MYO16: variants seen among roughly 807,000 people sequenced by gnomAD.
MYO16 encodes unconventional myosin-XVI.
MYO16 carries 94 observed loss-of-function variants against 205.3 expected under a neutral mutation model. The ratio of observed to expected loss-of-function variants is 0.46; its 90% CI spans 0.39 to 0.54. The LOEUF is 0.54. Ranked by LOEUF, MYO16 falls within the 20% of genes least tolerant of loss-of-function variation. The probability of loss-of-function intolerance (pLI) is 0.00; values close to 1 mark genes in which losing one functional copy is unlikely to be tolerated. For missense variants in MYO16, 2,315 were observed against 2,387.5 expected (o/e 0.97, Z 0.63); for synonymous variants, 988 against 954.0 (o/e 1.04, Z -0.66).
rs779875884 is a variant in MYO16, at chr13:108,808,592, C to T, written c.867+1788C>T. 1.1e-4 allele frequency among the ~76,000 whole-genome samples: 16 copies of T among 152,104 alleles called. No homozygotes were observed. In the South Asian group the frequency reaches 2.3e-3, roughly 22 times the overall value. ...CCTCCCAAAGTGCTGGGTTTACAGG[C>T]GTGAGCCACCATGCCCTGCCAGAAA... On this transcript the variant is annotated intron_variant, in intron 7 of 34. Transcript: ENST00000457511.
intron 24 of MYO16, chr13:109,048,756 T>A (rs1424083206): frequency 6.4e-6 from 1 of 155,434 alleles, no homozygotes; most frequent in African/African-American, 2.4e-5. Context: ...GCTTATAGTA[T>A]CTAATTCAAT....
At chr13:108,848,182 A>G (rs1444831082) in intron 10 of MYO16, among the ~76,000 whole-genome samples, 1 of 152,070 alleles carries the variant, frequency 6.6e-6, no homozygotes, top group Admixed American at 6.5e-5. Flanking sequence ...ATATAGACTG[A>G]CTGTATGTGA....
At chr13:108,679,109 TG>T (rs1882350695) in intron 2 of MYO16, among the ~76,000 whole-genome samples, 1 of 152,158 alleles carries the variant, frequency 6.6e-6, no homozygotes, top group African/African-American at 2.4e-5. Flanking sequence ...CATTGGGAAT[TG>T]GGCTTCAACA....
At chr13:108,763,313 A>C (rs956384999) in intron 4 of MYO16, among the ~76,000 whole-genome samples, 1 of 152,214 alleles carries the variant, frequency 6.6e-6, no homozygotes, top group African/African-American at 2.4e-5. Context: ...CTTAGCTTTC[A>C]GTGAGTTCTG....
Position 108,894,056 on chromosome 13 carries a change from T to C in MYO16, c.1660-3960T>C, listed in dbSNP as rs925294317. Among the ~76,000 whole-genome samples the C allele has an allele frequency of 9.9e-5, 15 of 152,252 alleles. No individual in the cohort carries two copies. The South Asian group carries it at 1.5e-3, about 15-fold the overall frequency. The stretch of plus-strand genomic sequence containing the variant: ...GGAAGCCTCAGGAAATTTACAGTCA[T>C]GGCAGGAGGTGAAGAAGAAAGAAGC... On this transcript the variant is annotated intron_variant, in intron 14 of 34. Coordinates refer to ENST00000457511, the MANE Select transcript of MYO16 (RefSeq NM_001198950.3).
At position 109,164,885 on chromosome 13, in the gene MYO16, C is replaced by T; in HGVS notation, c.5165-16C>T. The stretch of plus-strand genomic sequence containing the variant: ...TGTTATCAGAAAATAATTATGTTTT[C>T]TAAAATTTATTTTAGGTTTTGAAAC... On this transcript the variant is annotated splice_polypyrimidine_tract_variant and intron_variant, in intron 32 of 34. Transcript: ENST00000457511. The T allele has an allele frequency of 6.6e-7, 1 of 1,509,002 alleles. No individual in the cohort carries two copies. The highest frequency in any genetic ancestry group is 9.0e-7 in the Non-Finnish European group (1 of 1,115,246). The allele number at this position is 1,509,002 out of a possible 1,614,324, so 93.5% of individuals were successfully genotyped here.
intron 33 of MYO16, chr13:109,166,528 T>A (rs1878675766): frequency 6.6e-6 from 1 of 152,190 alleles, no homozygotes; most frequent in Non-Finnish European, 1.5e-5. Flanking sequence ...AGGGAGCGCA[T>A]GAGCAGAAGA....
intron 4 of MYO16, among the ~76,000 whole-genome samples, chr13:108,730,085 G>A (rs1159820011): frequency 2.6e-5 from 4 of 152,142 alleles, no homozygotes. Flanking sequence ...ATCACAGGTA[G>A]CATATGATAA....
At position 108,674,935 on chromosome 13, in the gene MYO16, G is replaced by A. The variant is rs117176835; in HGVS notation, c.292+8786G>A. On this transcript the variant is annotated intron_variant, in intron 2 of 34. Transcript: ENST00000457511. ...AAAAACACATTGACAACATGGTGCT[G>A]TCTGCATCTTCCCTGTTCCAGAGTG... 3.7e-3 allele frequency among the ~76,000 whole-genome samples: 558 copies of A among 152,330 alleles called. 4 individuals are homozygous for A. Among genetic ancestry groups the A allele is most frequent in the African/African-American group, 0.011 (476 of 41,580 alleles).
intron 1 of MYO16, among the ~76,000 whole-genome samples, chr13:108,609,390 T>A (rs1440353639): frequency 6.6e-6 from 1 of 152,166 alleles, no homozygotes; most frequent in Non-Finnish European, 1.5e-5. Flanking sequence ...CTCTAGACTG[T>A]GAATCCCATG....
the MYO16 span, among the ~76,000 whole-genome samples, chr13:108,503,032 T>C: frequency 2.0e-5 from 3 of 152,228 alleles, no homozygotes; most frequent in Non-Finnish European, 4.4e-5. Flanking sequence ...ACAAGTTTTC[T>C]GGAGTGAAGC....
At chr13:108,949,531 A>T (rs1883061334) in intron 16 of MYO16, among the ~76,000 whole-genome samples, 1 of 152,194 alleles carries the variant, frequency 6.6e-6, no homozygotes. Flanking sequence ...AAAAATACCA[A>T]TGAAAGAAAA....
intron 24 of MYO16, 146 bp downstream of exon 24, chr13:109,047,137 G>GA: frequency 4.8e-6 from 3 of 619,756 alleles, no homozygotes; most frequent in South Asian, 2.1e-5. Context: ...AGACTAATGA[G>GA]AAATGGGTCT....
At chr13:108,538,005 C>A in the MYO16 span, among the ~76,000 whole-genome samples, 1 of 152,072 alleles carries the variant, frequency 6.6e-6, no homozygotes, top group Non-Finnish European at 1.5e-5. Context: ...TGTGCAGAAG[C>A]ACTTTAGTTT....
At chr13:108,772,044 G>T (rs545458893) in intron 4 of MYO16, among the ~76,000 whole-genome samples, 1 of 152,294 alleles carries the variant, frequency 6.6e-6, no homozygotes, top group South Asian at 2.1e-4. Context: ...TGTAGTAAGA[G>T]TAGGTTTACT....
intron 2 of MYO16, among the ~76,000 whole-genome samples, chr13:108,671,108 G>C (rs2139445158): frequency 6.6e-6 from 1 of 152,316 alleles, no homozygotes; most frequent in East Asian, 1.9e-4. Flanking sequence ...ACTTTTAGTT[G>C]TGTTTTATTT....
chr13:108,679,978 C>T (rs1027607418), intron 2 of MYO16, among the ~76,000 whole-genome samples: 1 of 152,114 alleles, frequency 6.6e-6, no homozygotes, highest in Non-Finnish European at 1.5e-5. Context: ...ATGTTCTAGT[C>T]CCAATACTTG....
At chr13:108,547,442 C>T in the MYO16 span, among the ~76,000 whole-genome samples, 4 of 152,092 alleles carry the variant, frequency 2.6e-5, no homozygotes, top group East Asian at 3.9e-4. Flanking sequence ...CGAGTGTGAA[C>T]ATGCCCATCA....
intron 14 of MYO16, among the ~76,000 whole-genome samples, chr13:108,897,500 C>T (rs1048646098): frequency 3.0e-4 from 45 of 151,884 alleles, no homozygotes; most frequent in East Asian, 9.6e-4. Context: ...GGCAAAAGCA[C>T]GGTACAGGGA....
Sources: allele counts gnomAD v4.1 joint callset (sites outside exome capture counted in the v4.1 genomes callset), GRCh38; gene constraint gnomAD v4.1.1; transcripts MANE v1.5; gene names NCBI Gene and HGNC (gene_info 2026-07-23, HGNC 2026-07-21).